RIMS3: variants seen among roughly 807,000 people sequenced by gnomAD.
RIMS3 encodes regulating synaptic membrane exocytosis 3, also known as regulating synaptic membrane exocytosis protein 3.
In RIMS3, 15 loss-of-function variants were observed where a neutral mutation model predicts 29.2. The observed-to-expected ratio is 0.51, with a 90% CI of 0.34 to 0.79. The LOEUF is 0.79. Ranked by LOEUF, RIMS3 falls within the 30% of genes least tolerant of loss-of-function variation. The probability of loss-of-function intolerance (pLI) is 0.01; values close to 1 mark genes in which losing one functional copy is unlikely to be tolerated. For synonymous variants in RIMS3, 161 were observed against 170.1 expected (o/e 0.95, Z 0.41); for missense variants, 342 against 421.4 (o/e 0.81, Z 1.65).
At chr1:40,668,820 C>T (rs887639170), upstream of RIMS3, among the ~76,000 whole-genome samples, 21 of 152,282 alleles carry the variant, frequency 1.4e-4, no homozygotes, top group Middle Eastern at 3.4e-3. Context: ...CTGGTTGCCC[C>T]CTACCCTGTC....
chr1:40,669,239 G>A (rs12040422), upstream of RIMS3: 117,263 of 152,196 alleles, frequency 0.77, 45,645 homozygotes, highest in African/African-American at 0.85. Flanking sequence ...CCTCAAAACA[G>A]CTCTTCGAGG....
intron 1 of RIMS3, among the ~76,000 whole-genome samples, chr1:40,657,931 T>C (rs1642294229): frequency 6.6e-6 from 1 of 151,868 alleles, no homozygotes. Flanking sequence ...ATTTATATGT[T>C]TTAAAAAAAT....
At chr1:40,692,031 C>G in the RIMS3 span, 2 of 195,892 alleles carry the variant, frequency 1.0e-5, no homozygotes, top group African/African-American at 2.4e-5. Context: ...GCCTGGCCCG[C>G]TGCTGTCGCC....
chr1:40,659,068 T>C (rs1439215964), intron 1 of RIMS3, among the ~76,000 whole-genome samples: 1 of 152,134 alleles, frequency 6.6e-6, no homozygotes, highest in African/African-American at 2.4e-5. Context: ...GAGGGTGGGC[T>C]AACTCTGCCT....
In RIMS3 at chr1:40,636,203, G is replaced by C; in HGVS notation, c.218-146C>G. 9.6e-7 allele frequency: 1 copy of C among 1,041,594 alleles called. No individual in the cohort carries two copies. Among genetic ancestry groups the C allele is most frequent in the Non-Finnish European group, 1.4e-6 (1 of 714,416 alleles). 64.5% of individuals were successfully genotyped at this position (1,041,594 alleles called of 1,614,324 possible). On this transcript the variant is annotated intron_variant, in intron 3 of 7. Transcript: ENST00000372684. This position sits in a 1 kb window ranked among gnomAD's most constrained non-coding sequence, Gnocchi z 4.2. The stretch of plus-strand genomic sequence containing the variant: ...GGGCTCTGACTGGAGGCAGGGGCAT[G>C]GCTGAGCTGACCTCAGAGCTGGTCT...
At chr1:40,663,757 G>A (rs530660858) in intron 1 of RIMS3, among the ~76,000 whole-genome samples, 1 of 152,296 alleles carries the variant, frequency 6.6e-6, no homozygotes, top group African/African-American at 2.4e-5. Context: ...CAGACCACAT[G>A]CCCTGGGAGA....
Position 40,628,962 on chromosome 1 carries a change from A to G in RIMS3, c.575-13T>C. ...TTGATATAGGTGGCTAAGGGAGGAG[A>G]GAATGTATGACAGGGAGGGGTCCAG... On this transcript the variant is annotated splice_polypyrimidine_tract_variant and intron_variant, in intron 6 of 7. Coordinates refer to ENST00000372684, the MANE Select transcript of RIMS3 (RefSeq NM_014747.3). 1 of 1,612,758 alleles carries G rather than the reference A, an allele frequency of 6.2e-7. No homozygotes were observed. The highest frequency in any genetic ancestry group is 8.5e-7 in the Non-Finnish European group (1 of 1,179,998).
At chr1:40,647,614 T>A (rs1646603883) in intron 2 of RIMS3, 54 bp downstream of exon 2, 1 of 152,114 alleles carries the variant, frequency 6.6e-6, no homozygotes, top group African/African-American at 2.4e-5. Flanking sequence ...AGGTCTCACA[T>A]CACCTATTGG....
In RIMS3 at chr1:40,623,082, C is replaced by A. The variant is rs550195224; in HGVS notation, c.*3435G>T. 4.1e-6 allele frequency: 1 copy of A among 246,776 alleles called. No individual in the cohort carries two copies. Among genetic ancestry groups the A allele is most frequent in the Admixed American group, 5.5e-5 (1 of 18,076 alleles). The allele number at this position is 246,776 out of a possible 1,614,324, so 15.3% of individuals were successfully genotyped here. On this transcript the variant is annotated 3_prime_UTR_variant, in exon 8 of 8. Transcript: ENST00000372684. ...ACTGGCTTGACCTCAGTGTTCTAAC[C>A]GGCAGTGATTCCACAGAGGATGAGC...
chr1:40,683,994 A>G, the RIMS3 span, among the ~76,000 whole-genome samples: 1 of 152,210 alleles, frequency 6.6e-6, no homozygotes, highest in Non-Finnish European at 1.5e-5. Flanking sequence ...ATGTTTATGC[A>G]TGACCCTGTC....
chr1:40,667,592 G>A (rs1211026578), upstream of RIMS3, among the ~76,000 whole-genome samples: 3 of 152,194 alleles, frequency 2.0e-5, no homozygotes, highest in African/African-American at 7.2e-5. Context: ...CAGAAGGACT[G>A]GATGGGAGGT....
intron 1 of RIMS3, among the ~76,000 whole-genome samples, chr1:40,657,152 C>G (rs1642284549): frequency 6.6e-6 from 1 of 152,200 alleles, no homozygotes; most frequent in African/African-American, 2.4e-5. Flanking sequence ...ATGTGAGGCT[C>G]AGAAAGGATG....
At position 40,626,390 on chromosome 1, in the gene RIMS3, C is replaced by A; in HGVS notation, c.*127G>T. On this transcript the variant is annotated 3_prime_UTR_variant, in exon 8 of 8. Coordinates refer to ENST00000372684, the MANE Select transcript of RIMS3 (RefSeq NM_014747.3). ...AGTCTCCACTGCCAGCTGGGATGAG[C>A]CCAGTAGCCAACAGGCATGCAGCAG... is the stretch of plus-strand genomic sequence containing the variant. 1 of 878,662 alleles carries A rather than the reference C, an allele frequency of 1.1e-6. No homozygotes were observed. Among genetic ancestry groups the A allele is most frequent in the South Asian group, 1.4e-5 (1 of 69,710 alleles). 54.4% of individuals were successfully genotyped at this position (878,662 alleles called of 1,614,324 possible). A position where few individuals can be genotyped will look rare whatever the true frequency, so the allele number is the denominator to read the frequency against.
the RIMS3 span, among the ~76,000 whole-genome samples, chr1:40,675,266 C>T: frequency 6.7e-6 from 1 of 150,068 alleles, no homozygotes; most frequent in East Asian, 2.0e-4. Flanking sequence ...AGAGTGAGAC[C>T]CTGTCTCAGG....
At chr1:40,680,106 G>A in the RIMS3 span, among the ~76,000 whole-genome samples, 1 of 151,330 alleles carries the variant, frequency 6.6e-6, no homozygotes, top group Non-Finnish European at 1.5e-5. Flanking sequence ...GACTCGCCTG[G>A]GCAACATAGT....
intron 4 of RIMS3, among the ~76,000 whole-genome samples, chr1:40,633,661 T>C (rs965435588): frequency 5.3e-5 from 8 of 152,168 alleles, no homozygotes; most frequent in African/African-American, 1.9e-4. Context: ...AATAACACAA[T>C]TACAGGGTTG....
chr1:40,667,389 G>A (rs1258870712), upstream of RIMS3, among the ~76,000 whole-genome samples: 1 of 152,104 alleles, frequency 6.6e-6, no homozygotes, highest in African/African-American at 2.4e-5. Flanking sequence ...CTGGAACGAG[G>A]GTGGAGGTGA....
At chr1:40,637,034 C>T (rs941941323) in intron 3 of RIMS3, among the ~76,000 whole-genome samples, 1 of 152,180 alleles carries the variant, frequency 6.6e-6, no homozygotes, top group African/African-American at 2.4e-5. Flanking sequence ...AGGGAACTGG[C>T]CCTCAGATGG....
Position 40,636,093 on chromosome 1 carries a change from C to G in RIMS3, c.218-36G>C, listed in dbSNP as rs752333561. 1 of 1,600,136 alleles carries G rather than the reference C, an allele frequency of 6.2e-7. No homozygotes were observed. Among genetic ancestry groups the G allele is most frequent in the Non-Finnish European group, 8.5e-7 (1 of 1,179,418 alleles). On this transcript the variant is annotated intron_variant, in intron 3 of 7. Coordinates refer to ENST00000372684, the MANE Select transcript of RIMS3 (RefSeq NM_014747.3). This position sits in a 1 kb window ranked among gnomAD's most constrained non-coding sequence, Gnocchi z 4.2. ...CCCAACCCCAAGCACAGAGAGGGAACAAGGTCAGATTATGAATGGGGCTTC... is the reference window on the plus strand; with the variant it reads ...CCCAACCCCAAGCACAGAGAGGGAAGAAGGTCAGATTATGAATGGGGCTTC...
Sources: allele counts gnomAD v4.1 joint callset (sites outside exome capture counted in the v4.1 genomes callset), GRCh38; gene constraint gnomAD v4.1.1; non-coding constraint Gnocchi (gnomAD v3.1); transcripts MANE v1.5; gene names NCBI Gene and HGNC (gene_info 2026-07-23, HGNC 2026-07-21).